NPEPPS: variants seen among roughly 807,000 people sequenced by gnomAD.
NPEPPS encodes the protein puromycin-sensitive aminopeptidase.
In NPEPPS, 14 loss-of-function variants were observed where a neutral mutation model predicts 115.5. That is an observed-to-expected ratio of 0.12 (90% CI 0.08 to 0.19). NPEPPS has a LOEUF of 0.19. NPEPPS is among the 10% of genes least tolerant of loss of function. The pLI is 1.00. For synonymous variants in NPEPPS, 285 were observed against 390.6 expected, an observed-to-expected ratio of 0.73 and a Z score of 3.19; for missense variants, 523 against 1,110.8, an observed-to-expected ratio of 0.47 and a Z score of 7.52.
rs1295289058 is a variant in NPEPPS, at chr17:47,619,000, T to C, written c.2404-9T>C. The C allele has an allele frequency of 4.4e-6, 7 of 1,608,168 alleles. No individual in the cohort carries two copies. Among genetic ancestry groups the C allele is most frequent in the Non-Finnish European group, 1.7e-6 (2 of 1,176,570 alleles). Reference sequence around the variant, plus strand: ...TACACTAGACTTTTAGCTCTCTTTCTTTTTTTAGGAAGAGGTACGTCCACA... The same window carrying C: ...TACACTAGACTTTTAGCTCTCTTTCCTTTTTTAGGAAGAGGTACGTCCACA... On this transcript the variant is annotated splice_polypyrimidine_tract_variant and intron_variant, in intron 20 of 22. Coordinates refer to ENST00000322157, the MANE Select transcript of NPEPPS (RefSeq NM_006310.4).
chr17:47,596,311 T>C, intron 12 of NPEPPS, 42 bp from the exon 13 acceptor site: 1 of 1,256,116 alleles, frequency 8.0e-7, no homozygotes, highest in Non-Finnish European at 1.1e-6. Flanking sequence ...TTTAGGAAAA[T>C]AAAAATATAA....
upstream of NPEPPS, among the ~76,000 whole-genome samples, chr17:47,529,958 A>T (rs1907616770): frequency 7.3e-6 from 1 of 136,912 alleles, no homozygotes; most frequent in Non-Finnish European, 1.6e-5. Context: ...TTATTTTGAG[A>T]CAGAGTCTCA....
At chr17:47,527,993 T>C (rs868135894), upstream of NPEPPS, among the ~76,000 whole-genome samples, 6 of 150,998 alleles carry the variant, frequency 4.0e-5, no homozygotes, top group African/African-American at 1.5e-4. Context: ...AACATTCAAT[T>C]ACAGTTAATT....
At chr17:47,590,151 G>T (rs1417970032) in intron 9 of NPEPPS, among the ~76,000 whole-genome samples, 1 of 152,098 alleles carries the variant, frequency 6.6e-6, no homozygotes, top group African/African-American at 2.4e-5. Context: ...AGCTACGATG[G>T]TGCCCCTGCC....
chr17:47,586,495 A>T, intron 8 of NPEPPS, 97 bp downstream of exon 8: 7 of 848,994 alleles, frequency 8.2e-6, no homozygotes, highest in Admixed American at 2.6e-5. Context: ...CTGCTTTACG[A>T]TATGGTGTAA....
intron 1 of NPEPPS, among the ~76,000 whole-genome samples, chr17:47,533,890 A>G (rs1199910740): frequency 2.0e-5 from 3 of 152,250 alleles, no homozygotes; most frequent in African/African-American, 7.2e-5. Flanking sequence ...AGATGACACA[A>G]TAGTGAATTC....
chr17:47,531,106 C>G, upstream of NPEPPS: 1 of 784,250 alleles, frequency 1.3e-6, no homozygotes, highest in Non-Finnish European at 1.8e-6. Flanking sequence ...GCCGCCGCCA[C>G]CACTTCCCCC....
At chr17:47,621,180 CAAAA>C (rs5820662) in intron 22 of NPEPPS, among the ~76,000 whole-genome samples, 11 of 84,710 alleles carry the variant, frequency 1.3e-4, no homozygotes, top group Non-Finnish European at 1.6e-4. Context: ...GACCCTGTCT[CAAAA>C]AAAAAAAAAA....
chr17:47,545,074 C>G (rs1337760876), intron 1 of NPEPPS, among the ~76,000 whole-genome samples: 1 of 151,878 alleles, frequency 6.6e-6, no homozygotes, highest in Non-Finnish European at 1.5e-5. Context: ...AATCATAGCT[C>G]ACTGCAGCCT....
At chr17:47,611,604 C>T (rs1383585915) in intron 17 of NPEPPS, among the ~76,000 whole-genome samples, 1 of 152,140 alleles carries the variant, frequency 6.6e-6, no homozygotes. Context: ...TCCTGTGTAA[C>T]TGGGCCTACA....
At chr17:47,547,724 C>A (rs1909319941) in intron 2 of NPEPPS, among the ~76,000 whole-genome samples, 1 of 152,022 alleles carries the variant, frequency 6.6e-6, no homozygotes, top group African/African-American at 2.4e-5. Context: ...TCTGAGACTT[C>A]TTTAATATAA....
Position 47,621,679 on chromosome 17 carries a change from A to T in NPEPPS, c.2608-89A>T, listed in dbSNP as rs975913283. 4 of 1,304,054 alleles carry T rather than the reference A, an allele frequency of 3.1e-6. No homozygotes were observed. The East Asian group carries it at 9.4e-5, about 31-fold the overall frequency. 80.8% of individuals were successfully genotyped at this position (1,304,054 alleles called of 1,614,324 possible). ...CATGCCTGAAGATTATGCATCCTTC[A>T]TATAGACCAGTGGGTATTTTTTCAT... On this transcript the variant is annotated intron_variant, in intron 22 of 22. Coordinates refer to ENST00000322157, the MANE Select transcript of NPEPPS (RefSeq NM_006310.4).
chr17:47,555,981 CTTT>C (rs886460288), intron 2 of NPEPPS, among the ~76,000 whole-genome samples: 2 of 63,056 alleles, frequency 3.2e-5, no homozygotes, highest in African/African-American at 1.1e-4. Context: ...TTCTGTTTTA[CTTT>C]TTTTTTTTTT....
chr17:47,552,359 CA>C (rs949303231), intron 2 of NPEPPS, among the ~76,000 whole-genome samples: 1 of 152,154 alleles, frequency 6.6e-6, no homozygotes, highest in African/African-American at 2.4e-5. Context: ...ATCATTAGTT[CA>C]AACTGGAGCC....
intron 12 of NPEPPS, among the ~76,000 whole-genome samples, chr17:47,593,199 A>C (rs1051019885): frequency 2.6e-5 from 4 of 152,220 alleles, no homozygotes; most frequent in African/African-American, 9.6e-5. Flanking sequence ...GGTCAACATG[A>C]ATCAGGACTC....
At chr17:47,570,574 T>C (rs1911133611) in intron 3 of NPEPPS, among the ~76,000 whole-genome samples, 1 of 152,246 alleles carries the variant, frequency 6.6e-6, no homozygotes, top group African/African-American at 2.4e-5. Flanking sequence ...TAGGTTGATA[T>C]GTTACTATTG....
chr17:47,568,282 T>A (rs1331303873), intron 2 of NPEPPS, among the ~76,000 whole-genome samples: 2 of 151,960 alleles, frequency 1.3e-5, no homozygotes, highest in Admixed American at 6.6e-5. Flanking sequence ...TAAATTATCA[T>A]GCCTCAGTCT....
At chr17:47,557,936 GTT>G (rs558714475) in intron 2 of NPEPPS, among the ~76,000 whole-genome samples, 2 of 133,156 alleles carry the variant, frequency 1.5e-5, no homozygotes, top group Non-Finnish European at 1.7e-5. Context: ...TTGATTCCAT[GTT>G]TTTTTTTTTT....
At chr17:47,559,983 A>G (rs556807268) in intron 2 of NPEPPS, among the ~76,000 whole-genome samples, 97 of 152,244 alleles carry the variant, frequency 6.4e-4, no homozygotes, top group African/African-American at 2.3e-3. Context: ...TAAATCTGCT[A>G]CTTCTCTGCT....
Sources: allele counts gnomAD v4.1 joint callset (sites outside exome capture counted in the v4.1 genomes callset), GRCh38; gene constraint gnomAD v4.1.1; transcripts MANE v1.5; gene names NCBI Gene and HGNC (gene_info 2026-07-23, HGNC 2026-07-21).